Variants in PTPRD observed in about 807,000 individuals in gnomAD.
PTPRD encodes receptor-type tyrosine-protein phosphatase delta.
Under a neutral mutation model 214.5 loss-of-function variants are expected in PTPRD, and 34 were observed. The ratio of observed to expected loss-of-function variants is 0.16; its 90% CI spans 0.12 to 0.21. The LOEUF (loss-of-function observed/expected upper bound fraction) is 0.21, where lower values mean the gene tolerates loss of function less well. Ranked by LOEUF, PTPRD falls within the 10% of genes least tolerant of loss-of-function variation. The pLI, the probability that PTPRD is intolerant of heterozygous loss-of-function variation, is 1.00. For synonymous variants in PTPRD, 1,128 were observed against 845.7 expected (o/e 1.33, Z -5.79); for missense variants, 2,545 against 2,398.7 (o/e 1.06, Z -1.27).
chr9:10,324,181 T>C (rs2096603806), intron 3 of PTPRD, among the ~76,000 whole-genome samples: 1 of 152,068 alleles, frequency 6.6e-6, no homozygotes. Flanking sequence ...AGAGAGGGAC[T>C]ATAGCTTTCA....
intron 11 of PTPRD, among the ~76,000 whole-genome samples, chr9:8,980,791 C>G (rs2099308687): frequency 6.6e-6 from 1 of 152,098 alleles, no homozygotes; most frequent in South Asian, 2.1e-4. Context: ...AGCTATTTCT[C>G]AAAGCCAATC....
intron 8 of PTPRD, among the ~76,000 whole-genome samples, chr9:9,547,531 G>C (rs558483589): frequency 1.1e-4 from 17 of 152,028 alleles, no homozygotes; most frequent in African/African-American, 4.1e-4. Context: ...TCAACTGTTT[G>C]AGGACTAAAT....
At chr9:10,293,383 G>T (rs1275484448) in intron 3 of PTPRD, among the ~76,000 whole-genome samples, 1 of 151,894 alleles carries the variant, frequency 6.6e-6, no homozygotes, top group African/African-American at 2.4e-5. Flanking sequence ...AATGGACATT[G>T]TTTCAAGTTA....
intron 9 of PTPRD, among the ~76,000 whole-genome samples, chr9:9,273,640 G>A (rs1943825018): frequency 6.6e-6 from 1 of 151,276 alleles, no homozygotes; most frequent in South Asian, 2.1e-4. Context: ...ACTCTAGAGT[G>A]TCTACCCAGG....
At chr9:9,866,924 G>T (rs2064112674) in intron 5 of PTPRD, among the ~76,000 whole-genome samples, 1 of 151,998 alleles carries the variant, frequency 6.6e-6, no homozygotes, top group South Asian at 2.1e-4. Flanking sequence ...TTTGCTTTTT[G>T]GTGGGGTGTA....
rs192438158 is a variant in PTPRD at position 9,789,526 on chromosome 9, G to A, written c.-367-22675C>T. Among the ~76,000 whole-genome samples the A allele has an allele frequency of 6.3e-3, 962 of 152,106 alleles. 6 individuals carry two copies. The highest frequency in any genetic ancestry group is 0.01 in the Middle Eastern group (3 of 294). On this transcript the variant is annotated intron_variant, in intron 5 of 45. Coordinates refer to ENST00000381196, the MANE Select transcript of PTPRD (RefSeq NM_002839.4). ...TAAAACTTTTAAATCGGCCAGGTGCGGTGGCTCACGCCTGTAATCCCAGCA... is the reference window on the plus strand; with the variant it reads ...TAAAACTTTTAAATCGGCCAGGTGCAGTGGCTCACGCCTGTAATCCCAGCA...
chr9:10,464,170 G>A (rs1482932849), intron 2 of PTPRD, among the ~76,000 whole-genome samples: 1 of 152,046 alleles, frequency 6.6e-6, no homozygotes, highest in East Asian at 1.9e-4. Flanking sequence ...AGCTGAGGCG[G>A]GTGGATAACT....
chr9:9,068,160 G>A (rs1307810978), intron 10 of PTPRD, among the ~76,000 whole-genome samples: 3 of 152,050 alleles, frequency 2.0e-5, no homozygotes, highest in African/African-American at 4.8e-5. Flanking sequence ...CATCCAAATT[G>A]TTGAGTGTAT....
In PTPRD at chr9:9,932,229, A is replaced by G. The variant is rs1476859315; in HGVS notation, c.-368+6278T>C. The stretch of plus-strand genomic sequence containing the variant: ...GCAAAAGAACAAAGCTGGATGGAGA[A>G]TAACTTTGACGAGCTGAGAGAAGAA... On this transcript the variant is annotated intron_variant, in intron 5 of 45. Coordinates refer to ENST00000381196, the MANE Select transcript of PTPRD (RefSeq NM_002839.4). Among the ~76,000 whole-genome samples the G allele has an allele frequency of 4.0e-5, 6 of 151,464 alleles. No individual in the cohort carries two copies. The East Asian group carries it at 1.2e-3, about 29-fold the overall frequency.
chr9:8,431,135 G>T (rs2095022749), intron 35 of PTPRD, among the ~76,000 whole-genome samples: 1 of 152,184 alleles, frequency 6.6e-6, no homozygotes, highest in Non-Finnish European at 1.5e-5. Flanking sequence ...ACGTCCCAAT[G>T]TGTGTCACCA....
chr9:9,959,936 A>T (rs62536921), intron 4 of PTPRD, among the ~76,000 whole-genome samples: 1 of 152,178 alleles, frequency 6.6e-6, no homozygotes, highest in African/African-American at 2.4e-5. Flanking sequence ...AGATATGTCT[A>T]TACATGGGTT....
chr9:9,612,421 C>T (rs1564054192), intron 7 of PTPRD, among the ~76,000 whole-genome samples: 1 of 152,140 alleles, frequency 6.6e-6, no homozygotes, highest in Non-Finnish European at 1.5e-5. Flanking sequence ...TGTCTGTCTG[C>T]AACTGTGATA....
At chr9:10,588,427 TACACACACAC>T (rs3076471) in intron 2 of PTPRD, among the ~76,000 whole-genome samples, 6 of 146,710 alleles carry the variant, frequency 4.1e-5, no homozygotes, top group African/African-American at 1.2e-4. Context: ...TGGCTTATTG[TACACACACAC>T]ACACACACAC....
intron 5 of PTPRD, among the ~76,000 whole-genome samples, chr9:9,788,788 AT>A (rs540310852): frequency 1.4e-4 from 21 of 148,400 alleles, no homozygotes; most frequent in African/African-American, 3.3e-4. Context: ...TTTAAAGAAT[AT>A]TTTTTTTTTC....
At chr9:8,872,873 TC>T (rs1414891114) in intron 11 of PTPRD, among the ~76,000 whole-genome samples, 1 of 152,020 alleles carries the variant, frequency 6.6e-6, no homozygotes, top group East Asian at 1.9e-4. Flanking sequence ...ACCCAAACAA[TC>T]CCTGGCAACC....
chr9:8,526,351 G>A (rs1017074059), intron 17 of PTPRD, among the ~76,000 whole-genome samples: 1 of 151,582 alleles, frequency 6.6e-6, no homozygotes, highest in African/African-American at 2.4e-5. Context: ...TGACTGGTCT[G>A]TGGTCTAAAG....
At chr9:9,819,624 T>G (rs770353418) in intron 5 of PTPRD, among the ~76,000 whole-genome samples, 1 of 152,102 alleles carries the variant, frequency 6.6e-6, no homozygotes, top group Admixed American at 6.6e-5. Context: ...GTACTGAGCA[T>G]AGTCCCCAAC....
chr9:10,511,227 C>A (rs2047905719), intron 2 of PTPRD, among the ~76,000 whole-genome samples: 1 of 152,012 alleles, frequency 6.6e-6, no homozygotes, highest in Admixed American at 6.6e-5. Flanking sequence ...TTTCTAAAAC[C>A]TTCATAGGCA....
chr9:9,982,388 C>T (rs2095570368), intron 4 of PTPRD, among the ~76,000 whole-genome samples: 1 of 151,880 alleles, frequency 6.6e-6, no homozygotes, highest in Admixed American at 6.6e-5. Context: ...GGATGCTATA[C>T]AAATTATTTG....
Sources: allele counts gnomAD v4.1 joint callset (sites outside exome capture counted in the v4.1 genomes callset), GRCh38; gene constraint gnomAD v4.1.1; transcripts MANE v1.5; gene names NCBI Gene and HGNC (gene_info 2026-07-23, HGNC 2026-07-21).